SPART: variants seen among roughly 807,000 people sequenced by gnomAD.
SPART encodes spastic paraplegia 20 (Troyer syndrome).
Under a neutral mutation model 58.7 loss-of-function variants are expected in SPART, and 35 were observed. The ratio of observed to expected loss-of-function variants is 0.60; its 90% confidence interval spans 0.46 to 0.79. The LOEUF (loss-of-function observed/expected upper bound fraction) is 0.79. Ranked by LOEUF, SPART falls within the 30% of genes least tolerant of loss-of-function variation. SPART has a pLI of 0.00. For synonymous variants in SPART, 284 were observed against 280.7 expected, an observed-to-expected ratio of 1.01 and a Z score of -0.12; for missense variants, 730 against 786.1, an observed-to-expected ratio of 0.93 and a Z score of 0.85.
chr13:36,309,097 A>ATGTT (rs1880810388), intron 8 of SPART, among the ~76,000 whole-genome samples: 1 of 152,102 alleles, frequency 6.6e-6, no homozygotes, highest in African/African-American at 2.4e-5. Flanking sequence ...ACAAAAAATT[A>ATGTT]GCCGGTCATG....
intron 1 of SPART, among the ~76,000 whole-genome samples, chr13:36,341,855 C>A (rs1409047535): frequency 6.6e-6 from 1 of 152,134 alleles, no homozygotes; most frequent in Non-Finnish European, 1.5e-5. Context: ...TTTGCTCTAC[C>A]CCACAACCCC....
At chr13:36,367,310 A>G (rs1886097498) in intron 1 of SPART, among the ~76,000 whole-genome samples, 1 of 151,122 alleles carries the variant, frequency 6.6e-6, no homozygotes. Flanking sequence ...ATATCCCCAC[A>G]TGTGTAGAAA....
intron 1 of SPART, among the ~76,000 whole-genome samples, chr13:36,342,353 T>C (rs1884661703): frequency 6.6e-6 from 1 of 152,190 alleles, no homozygotes; most frequent in Admixed American, 6.5e-5. Flanking sequence ...TTTTACATTT[T>C]TTAAAGGTTA....
Position 36,303,801 on chromosome 13 carries a change from C to A in SPART, c.*564G>T. ...AAACAGGTAAGTTACAAAAGTAGTC[C>A]ATTTTACTTTTCATCAGTCTTTCCC... On this transcript the variant is annotated 3_prime_UTR_variant, in exon 9 of 9. Transcript: ENST00000438666. 1 of 153,514 alleles carries A rather than the reference C, an allele frequency of 6.5e-6. No homozygotes were observed. Among genetic ancestry groups the A allele is most frequent in the Non-Finnish European group, 1.5e-5 (1 of 68,692 alleles). The allele number at this position is 153,514 out of a possible 1,614,324, so 9.5% of individuals were successfully genotyped here.
intron 1 of SPART, among the ~76,000 whole-genome samples, chr13:36,354,044 T>C (rs1257983966): frequency 1.3e-5 from 2 of 152,208 alleles, no homozygotes; most frequent in Non-Finnish European, 1.5e-5. Context: ...CTGGGTTAGA[T>C]CTATTTTATC....
At chr13:36,349,385 T>C (rs1450337236), upstream of SPART, among the ~76,000 whole-genome samples, 1 of 152,254 alleles carries the variant, frequency 6.6e-6, no homozygotes, top group African/African-American at 2.4e-5. Flanking sequence ...AGTCTAGTGC[T>C]GACTTCTAGG....
chr13:36,306,342 G>A (rs1203160842), intron 8 of SPART, among the ~76,000 whole-genome samples: 1 of 151,970 alleles, frequency 6.6e-6, no homozygotes, highest in Non-Finnish European at 1.5e-5. Flanking sequence ...GGTAATGGCT[G>A]TGTCTATACA....
chr13:36,302,658 A>C lies in SPART; in HGVS notation c.*1707T>G, dbSNP rs1880100338. 1 of 152,084 alleles carries C rather than the reference A, an allele frequency of 6.6e-6. No homozygotes were observed. The highest frequency in any genetic ancestry group is 6.6e-5 in the Admixed American group (1 of 15,260). 9.4% of individuals were successfully genotyped at this position (152,084 alleles called of 1,614,324 possible). On this transcript the variant is annotated 3_prime_UTR_variant, in exon 9 of 9. Transcript: ENST00000438666. Reference sequence around the variant, plus strand: ...GGTGTATATATTTATGGGATACATGAGATATTTTGATACAGGTATGCGATT... The same window carrying C: ...GGTGTATATATTTATGGGATACATGCGATATTTTGATACAGGTATGCGATT...
intron 1 of SPART, among the ~76,000 whole-genome samples, chr13:36,345,171 G>T (rs1262178430): frequency 2.0e-5 from 3 of 152,160 alleles, no homozygotes; most frequent in Admixed American, 1.3e-4. Context: ...AGGGGGCTTT[G>T]TCTAACACCT....
In SPART at chr13:36,304,186, G is replaced by T; in HGVS notation, c.*179C>A. The T allele has an allele frequency of 1.4e-6, 1 of 705,512 alleles. No homozygotes were observed. Among genetic ancestry groups the T allele is most frequent in the Non-Finnish European group, 2.4e-6 (1 of 424,864 alleles). 43.7% of individuals were successfully genotyped at this position (705,512 alleles called of 1,614,324 possible). A position where few individuals can be genotyped will look rare whatever the true frequency, so the allele number is the denominator to read the frequency against. On this transcript the variant is annotated 3_prime_UTR_variant, in exon 9 of 9. Transcript: ENST00000438666. ...TTCACATTTCTAAGGCCAGATGCAAGAATACTTATTCTTTTCCTTTTAAAT... is the reference window on the plus strand; with the variant it reads ...TTCACATTTCTAAGGCCAGATGCAATAATACTTATTCTTTTCCTTTTAAAT...
chr13:36,329,934 T>C (rs1013723771), intron 3 of SPART, among the ~76,000 whole-genome samples: 39 of 152,234 alleles, frequency 2.6e-4, no homozygotes, highest in African/African-American at 9.2e-4. Flanking sequence ...ATTTTTTAAT[T>C]TTCTGCACAA....
intron 1 of SPART, among the ~76,000 whole-genome samples, chr13:36,358,120 GAAAA>G (rs202241961): frequency 6.7e-6 from 1 of 149,910 alleles, no homozygotes; most frequent in African/African-American, 2.5e-5. Context: ...ACTATTCATA[GAAAA>G]AAAAAGAAAA....
chr13:36,347,752 TTAAA>T (rs1885237734), upstream of SPART, among the ~76,000 whole-genome samples: 1 of 152,212 alleles, frequency 6.6e-6, no homozygotes, highest in Non-Finnish European at 1.5e-5. Flanking sequence ...CTCATCTGAC[TTAAA>T]TAGTTACAAA....
intron 8 of SPART, among the ~76,000 whole-genome samples, chr13:36,305,828 C>CA (rs1880456692): frequency 6.6e-6 from 1 of 152,050 alleles, no homozygotes; most frequent in Non-Finnish European, 1.5e-5. Context: ...ACAAACAAAA[C>CA]AAAGAGGCAA....
chr13:36,313,357 G>C (rs1365009947), intron 6 of SPART, among the ~76,000 whole-genome samples: 1 of 152,188 alleles, frequency 6.6e-6, no homozygotes, highest in Non-Finnish European at 1.5e-5. Flanking sequence ...AAGTCCCACT[G>C]CCTAGTAACA....
At chr13:36,312,022 G>C in intron 8 of SPART, 123 bp downstream of exon 8, 4 of 835,662 alleles carry the variant, frequency 4.8e-6, no homozygotes, top group South Asian at 1.4e-5. Flanking sequence ...GGGAGGTGGA[G>C]GTTGCAGTGA....
At chr13:36,321,599 C>T (rs1319798305) in intron 5 of SPART, among the ~76,000 whole-genome samples, 1 of 152,074 alleles carries the variant, frequency 6.6e-6, no homozygotes, top group Non-Finnish European at 1.5e-5. Flanking sequence ...TCTAGGTTCC[C>T]ACGCCGCCCC....
At chr13:36,304,756 T>C in intron 8 of SPART, 124 bp from the exon 9 acceptor site, 2 of 1,006,554 alleles carry the variant, frequency 2.0e-6, no homozygotes, top group South Asian at 3.3e-5. Flanking sequence ...AAAGCTTAGG[T>C]TTCAATTTAA....
intron 8 of SPART, among the ~76,000 whole-genome samples, chr13:36,309,370 A>C (rs1400580014): frequency 6.6e-6 from 1 of 152,168 alleles, no homozygotes; most frequent in African/African-American, 2.4e-5. Flanking sequence ...AAAAACTTAA[A>C]ATGGAATTAC....
Sources: gnomAD v4.1 joint callset for allele counts (sites outside exome capture counted in the v4.1 genomes callset) on GRCh38, gnomAD v4.1.1 for gene constraint, MANE v1.5 for transcripts, NCBI Gene and HGNC (gene_info 2026-07-23, HGNC 2026-07-21) for gene names.